The following SCAMP1 variants were observed in gnomAD, a reference collection of about 807,000 sequenced individuals.
The protein encoded by SCAMP1 is secretory carrier membrane protein 1, also known as secretory carrier-associated membrane protein 1.
Under a neutral mutation model 41.8 loss-of-function variants are expected in SCAMP1, and 15 were observed. The observed-to-expected ratio is 0.36, with a 90% CI of 0.24 to 0.55. The LOEUF (loss-of-function observed/expected upper bound fraction) is 0.55, where lower values mean the gene tolerates loss of function less well. Ranked by LOEUF, SCAMP1 falls within the 20% of genes least tolerant of loss-of-function variation. The pLI, the probability that SCAMP1 is intolerant of heterozygous loss-of-function variation, is 0.86. For missense variants in SCAMP1, 341 were observed against 412.6 expected (o/e 0.83, Z 1.50); for synonymous variants, 135 against 136.8 (o/e 0.99, Z 0.09).
chr5:78,466,213 A>G (rs1753741154), intron 8 of SCAMP1, among the ~76,000 whole-genome samples: 2 of 152,206 alleles, frequency 1.3e-5, no homozygotes, highest in African/African-American at 4.8e-5. Flanking sequence ...TATTGAGCAT[A>G]TATTACGTGC....
intron 6 of SCAMP1, among the ~76,000 whole-genome samples, chr5:78,444,709 T>C (rs559825899): frequency 1.5e-4 from 23 of 152,318 alleles, no homozygotes; most frequent in African/African-American, 5.5e-4. Context: ...CTAATGCCAC[T>C]TCTGTGAGCA....
At chr5:78,387,594 A>G (rs531957351) in intron 1 of SCAMP1, among the ~76,000 whole-genome samples, 2 of 152,192 alleles carry the variant, frequency 1.3e-5, no homozygotes, top group East Asian at 3.9e-4. Flanking sequence ...ACTATATCAG[A>G]GGGAAGATCT....
chr5:78,364,026 GA>G (rs1475665691), intron 1 of SCAMP1, among the ~76,000 whole-genome samples: 1 of 152,166 alleles, frequency 6.6e-6, no homozygotes, highest in Non-Finnish European at 1.5e-5. Context: ...GCTATAGAGG[GA>G]AAAATATTTT....
chr5:78,415,895 C>T (rs989999953), intron 3 of SCAMP1, among the ~76,000 whole-genome samples: 1 of 152,054 alleles, frequency 6.6e-6, no homozygotes, highest in Non-Finnish European at 1.5e-5. Flanking sequence ...TTTTAATGCA[C>T]ACTACCATTA....
chr5:78,423,847 ACTT>A (rs1338801259), intron 6 of SCAMP1, among the ~76,000 whole-genome samples: 2 of 77,366 alleles, frequency 2.6e-5, no homozygotes, highest in African/African-American at 1.2e-4. Flanking sequence ...TGAGAGGAAT[ACTT>A]TTTTTTTTTT....
At chr5:78,447,823 TCTC>T (rs1753090484) in intron 6 of SCAMP1, among the ~76,000 whole-genome samples, 1 of 33,134 alleles carries the variant, frequency 3.0e-5, no homozygotes. Flanking sequence ...CTCCTCCCCC[TCTC>T]CCTCCCCTCC....
chr5:78,380,591 A>AT (rs1487884049), intron 1 of SCAMP1, among the ~76,000 whole-genome samples: 2 of 151,772 alleles, frequency 1.3e-5, no homozygotes, highest in Admixed American at 1.3e-4. Flanking sequence ...CTTTATGCTT[A>AT]TTTTTTTTCA....
chr5:78,430,807 G>A (rs900671690), intron 6 of SCAMP1, among the ~76,000 whole-genome samples: 3 of 151,944 alleles, frequency 2.0e-5, no homozygotes, highest in Non-Finnish European at 4.4e-5. Context: ...GTACATCAGT[G>A]ATTTCCACAC....
intron 6 of SCAMP1, among the ~76,000 whole-genome samples, chr5:78,448,890 C>T (rs1451288227): frequency 6.6e-6 from 1 of 152,014 alleles, no homozygotes; most frequent in Non-Finnish European, 1.5e-5. Flanking sequence ...ATCCCAACTA[C>T]TCGGGAGGCT....
At chr5:78,369,387 G>A (rs913809496) in intron 1 of SCAMP1, among the ~76,000 whole-genome samples, 3 of 152,136 alleles carry the variant, frequency 2.0e-5, no homozygotes, top group Non-Finnish European at 4.4e-5. Flanking sequence ...GATTACAAGC[G>A]TGAGTCATCG....
chr5:78,468,623 T>C (rs1000293774), intron 8 of SCAMP1, among the ~76,000 whole-genome samples: 2 of 152,208 alleles, frequency 1.3e-5, no homozygotes, highest in Non-Finnish European at 2.9e-5. Flanking sequence ...TCACATTAAG[T>C]AGTTTTTAAT....
chr5:78,475,564 A>T lies in SCAMP1; in HGVS notation c.913A>T (p.Thr305Ser). ...SFEKAQQEFA[T>S]GVMSNKTVQT... ...TGAGAAGGCCCAACAGGAGTTTGCA[A>T]CAGGTGTGATGTCCAACAAAACTGT... The change falls in exon 9 of 9, where the codon ACA (threonine) becomes TCA (serine). Residue 305 changes from threonine (T) to serine (S), a missense_variant. Thr to Ser is a moderately conservative substitution (Grantham distance 58, BLOSUM62 1). Transcript: ENST00000621999. 3 of 1,611,580 alleles carry T rather than the reference A, an allele frequency of 1.9e-6. No individual in the cohort carries two copies. Among genetic ancestry groups the T allele is most frequent in the Non-Finnish European group, 2.5e-6 (3 of 1,179,116 alleles).
At chr5:78,451,115 CAT>C (rs1413863464) in intron 7 of SCAMP1, among the ~76,000 whole-genome samples, 7 of 152,028 alleles carry the variant, frequency 4.6e-5, no homozygotes, top group East Asian at 1.9e-4. Context: ...TTAGCACAGA[CAT>C]AGGGAAAATG....
intron 7 of SCAMP1, among the ~76,000 whole-genome samples, chr5:78,453,830 C>T (rs1285710937): frequency 2.0e-5 from 3 of 149,762 alleles, no homozygotes; most frequent in Admixed American, 6.6e-5. Flanking sequence ...ATGGAATGTT[C>T]TTCCATTTGT....
At chr5:78,382,776 GGTGTGTGTGTGTGTGTGTGT>G (rs61523492) in intron 1 of SCAMP1, among the ~76,000 whole-genome samples, 32 of 130,262 alleles carry the variant, frequency 2.5e-4, no homozygotes, top group African/African-American at 7.1e-4. Flanking sequence ...AGTATTCCAT[GGTGTGTGTGTGTGTGTGTGT>G]GTGTGTGTGT....
At chr5:78,466,986 G>A (rs1245536894) in intron 8 of SCAMP1, among the ~76,000 whole-genome samples, 3 of 152,256 alleles carry the variant, frequency 2.0e-5, no homozygotes, top group East Asian at 1.9e-4. Flanking sequence ...GTTTTTAGAT[G>A]ATGGACCATT....
At chr5:78,406,869 C>T (rs1219004573) in intron 2 of SCAMP1, among the ~76,000 whole-genome samples, 1 of 152,088 alleles carries the variant, frequency 6.6e-6, no homozygotes, top group Non-Finnish European at 1.5e-5. Flanking sequence ...TTGATTCTGC[C>T]TCCGGGGTCA....
At chr5:78,361,919 TC>T (rs1322032998) in intron 1 of SCAMP1, among the ~76,000 whole-genome samples, 21 of 152,204 alleles carry the variant, frequency 1.4e-4, no homozygotes, top group Non-Finnish European at 2.6e-4. Flanking sequence ...GCCTGATAAT[TC>T]CAAGGAGGAT....
At chr5:78,392,102 G>T (rs1268404755) in intron 2 of SCAMP1, among the ~76,000 whole-genome samples, 1 of 151,440 alleles carries the variant, frequency 6.6e-6, no homozygotes, top group Non-Finnish European at 1.5e-5. Flanking sequence ...AGAGCGAAAA[G>T]AGATTTTTAT....
Sources: gnomAD v4.1 joint callset for allele counts (sites outside exome capture counted in the v4.1 genomes callset) on GRCh38, gnomAD v4.1.1 for gene constraint, MANE v1.5 for transcripts, NCBI Gene and HGNC (gene_info 2026-07-23, HGNC 2026-07-21) for gene names.